Variants in LRP12 observed in about 807,000 individuals in gnomAD.
LRP12 encodes low-density lipoprotein receptor-related protein 12.
A neutral mutation model predicts 66.0 loss-of-function variants in LRP12; 14 were observed. That is an observed-to-expected ratio of 0.21 (90% CI 0.14 to 0.33). The LOEUF (loss-of-function observed/expected upper bound fraction) is 0.33, where lower values mean the gene tolerates loss of function less well. Among genes scored for constraint, LRP12 ranks in the 10% least tolerant of loss-of-function variants. LRP12 has a pLI of 1.00. For missense variants in LRP12, 889 were observed against 1,053.4 expected, an observed-to-expected ratio of 0.84 and a Z score of 2.16; for synonymous variants, 357 against 359.1, an observed-to-expected ratio of 0.99 and a Z score of 0.07.
At position 104,519,664 on chromosome 8, in the gene LRP12, T is replaced by G. The variant is rs375693798; in HGVS notation, c.137-10590A>C. On this transcript the variant is annotated intron_variant, in intron 2 of 6. Transcript: ENST00000276654. ...AGATGGGAAAGGTTTTAACTATGAC[T>G]TGAAAGACAAGAATCAGGCAAGCAG... is the stretch of plus-strand genomic sequence containing the variant. Among the ~76,000 whole-genome samples the G allele has an allele frequency of 7.4e-4, 113 of 152,022 alleles. No individual in the cohort carries two copies. The South Asian group carries it at 0.022, about 30-fold the overall frequency.
At chr8:104,554,045 T>G (rs1811765683) in intron 1 of LRP12, among the ~76,000 whole-genome samples, 1 of 152,000 alleles carries the variant, frequency 6.6e-6, no homozygotes, top group African/African-American at 2.4e-5. Flanking sequence ...TCACTGCAGT[T>G]CACCTCTCAG....
At chr8:104,539,081 A>C (rs1381392265) in intron 1 of LRP12, among the ~76,000 whole-genome samples, 1 of 152,190 alleles carries the variant, frequency 6.6e-6, no homozygotes, top group African/African-American at 2.4e-5. Context: ...CCACAGATTG[A>C]AAAAGGCTTA....
chr8:104,566,494 G>A (rs1812006445), intron 1 of LRP12: 1 of 163,864 alleles, frequency 6.1e-6, no homozygotes, highest in Non-Finnish European at 1.3e-5. Context: ...TATTAAGAGT[G>A]TGTCCATACT....
intron 2 of LRP12, among the ~76,000 whole-genome samples, chr8:104,522,058 C>T (rs1164567259): frequency 2.6e-5 from 4 of 151,842 alleles, no homozygotes; most frequent in Non-Finnish European, 2.9e-5. Context: ...CTTAAACATT[C>T]TAGGATAATA....
At chr8:104,585,730 T>C (rs570753555) in intron 1 of LRP12, among the ~76,000 whole-genome samples, 81 of 152,292 alleles carry the variant, frequency 5.3e-4, no homozygotes, top group African/African-American at 1.8e-3. Flanking sequence ...TCTATGTACA[T>C]AGTACCCGAA....
intron 1 of LRP12, among the ~76,000 whole-genome samples, chr8:104,544,025 A>G (rs1811517698): frequency 6.6e-6 from 1 of 152,240 alleles, no homozygotes; most frequent in South Asian, 2.1e-4. Context: ...CAAGTTGTGT[A>G]TGCAAAAGAA....
At chr8:104,538,174 G>C (rs1321845817) in intron 1 of LRP12, among the ~76,000 whole-genome samples, 1 of 152,154 alleles carries the variant, frequency 6.6e-6, no homozygotes, top group Non-Finnish European at 1.5e-5. Context: ...GCATTTAAGG[G>C]CATTGTTAAA....
At chr8:104,502,624 A>G (rs1588484413) in intron 3 of LRP12, among the ~76,000 whole-genome samples, 1 of 152,298 alleles carries the variant, frequency 6.6e-6, no homozygotes, top group Admixed American at 6.5e-5. Flanking sequence ...AAACAAGCCT[A>G]TCTCACGAAG....
intron 1 of LRP12, among the ~76,000 whole-genome samples, chr8:104,540,445 A>C (rs1811458114): frequency 6.6e-6 from 1 of 152,142 alleles, no homozygotes; most frequent in Non-Finnish European, 1.5e-5. Flanking sequence ...GTGTATGACA[A>C]ATTCAGTACA....
chr8:104,548,531 T>G (rs1466119498), intron 1 of LRP12, among the ~76,000 whole-genome samples: 7 of 127,726 alleles, frequency 5.5e-5, no homozygotes, highest in South Asian at 2.3e-4. Flanking sequence ...ATCTAATATA[T>G]AATTCTATGT....
intron 1 of LRP12, among the ~76,000 whole-genome samples, chr8:104,568,153 C>T (rs1812032481): frequency 6.6e-6 from 1 of 152,038 alleles, no homozygotes; most frequent in Admixed American, 6.6e-5. Context: ...ACAAGGGTGC[C>T]AGGAGGATTA....
At chr8:104,579,504 C>T (rs1812213930) in intron 1 of LRP12, among the ~76,000 whole-genome samples, 2 of 152,072 alleles carry the variant, frequency 1.3e-5, no homozygotes, top group Admixed American at 1.3e-4. Flanking sequence ...GCCATACTGC[C>T]CAAACCAATT....
intron 1 of LRP12, among the ~76,000 whole-genome samples, chr8:104,573,111 A>G (rs1421678280): frequency 1.3e-5 from 2 of 152,112 alleles, no homozygotes; most frequent in East Asian, 3.8e-4. Context: ...GCAGTGATCC[A>G]CTCCAGCAGC....
chr8:104,565,598 G>A (rs1811985573), intron 1 of LRP12, among the ~76,000 whole-genome samples: 1 of 151,994 alleles, frequency 6.6e-6, no homozygotes, highest in Non-Finnish European at 1.5e-5. Context: ...GGTGGCTCAC[G>A]CCTGTAATCC....
At chr8:104,511,905 CTTTT>C (rs534221934) in intron 2 of LRP12, among the ~76,000 whole-genome samples, 1 of 144,086 alleles carries the variant, frequency 6.9e-6, no homozygotes, top group African/African-American at 2.6e-5. Flanking sequence ...TTCTTTTTTT[CTTTT>C]TTTTTTTGCT....
chr8:104,552,379 T>TG (rs1811741004), intron 1 of LRP12, among the ~76,000 whole-genome samples: 1 of 151,706 alleles, frequency 6.6e-6, no homozygotes, highest in Admixed American at 6.6e-5. Flanking sequence ...TTTGTTGTTT[T>TG]TTTTTTTTTG....
At chr8:104,519,769 GGCA>G (rs1444974040) in intron 2 of LRP12, among the ~76,000 whole-genome samples, 2 of 151,900 alleles carry the variant, frequency 1.3e-5, no homozygotes, top group Admixed American at 1.3e-4. Context: ...CAAGTGCCAT[GGCA>G]AGTAGGAAAT....
intron 1 of LRP12, among the ~76,000 whole-genome samples, chr8:104,545,456 G>T: frequency 6.6e-6 from 1 of 152,102 alleles, no homozygotes; most frequent in East Asian, 1.9e-4. Flanking sequence ...TACAGAGAAA[G>T]CTTTTATGAA....
At chr8:104,587,090 A>C (rs1251108590) in intron 1 of LRP12, among the ~76,000 whole-genome samples, 2 of 152,236 alleles carry the variant, frequency 1.3e-5, no homozygotes, top group Non-Finnish European at 2.9e-5. Flanking sequence ...ACAGCCTCTT[A>C]TCCCTCGAGG....
Sources: allele counts gnomAD v4.1 joint callset (sites outside exome capture counted in the v4.1 genomes callset), GRCh38; gene constraint gnomAD v4.1.1; transcripts MANE v1.5; gene names NCBI Gene and HGNC (gene_info 2026-07-23, HGNC 2026-07-21).